PIK3C2G: variants seen among roughly 807,000 people sequenced by gnomAD.
The protein encoded by PIK3C2G is phosphatidylinositol 3-kinase C2 domain-containing subunit gamma.
A neutral mutation model predicts 181.1 loss-of-function variants in PIK3C2G; 168 were observed. The observed-to-expected ratio is 0.93, with a 90% CI of 0.82 to 1.05. The LOEUF is 1.05. PIK3C2G is among the 50% of genes least tolerant of loss of function. The pLI, the probability that PIK3C2G is intolerant of heterozygous loss-of-function variation, is 0.00. For missense variants in PIK3C2G, 1,869 were observed against 1,732.8 expected (o/e 1.08, Z -1.40); for synonymous variants, 573 against 592.2 (o/e 0.97, Z 0.47).
chr12:18,676,071 C>G, the PIK3C2G span, among the ~76,000 whole-genome samples: 192 of 152,134 alleles, frequency 1.3e-3, 1 homozygote, highest in African/African-American at 4.4e-3. Flanking sequence ...GTCAATAGAC[C>G]TGTGTCTTTC....
At chr12:18,275,361 C>T (rs1359964153) in intron 1 of PIK3C2G, among the ~76,000 whole-genome samples, 1 of 151,892 alleles carries the variant, frequency 6.6e-6, no homozygotes, top group African/African-American at 2.4e-5. Flanking sequence ...TTTTATATTC[C>T]ACATCTTTTT....
At chr12:18,479,040 T>C (rs138423200) in intron 18 of PIK3C2G, among the ~76,000 whole-genome samples, 1 of 148,770 alleles carries the variant, frequency 6.7e-6, no homozygotes, top group Admixed American at 6.7e-5. Context: ...CATATATACA[T>C]TATACATATA....
intron 18 of PIK3C2G, among the ~76,000 whole-genome samples, chr12:18,447,804 A>G (rs1947111586): frequency 6.6e-6 from 1 of 152,232 alleles, no homozygotes; most frequent in Non-Finnish European, 1.5e-5. Context: ...TTCCACTAGT[A>G]TGAAAGAACA....
intron 30 of PIK3C2G, 67 bp downstream of exon 30, chr12:18,594,636 A>G (rs972339452): frequency 2.4e-6 from 2 of 826,120 alleles, no homozygotes; most frequent in African/African-American, 3.6e-5. Flanking sequence ...AGATATCACA[A>G]CTAATTTTTT....
At position 18,648,043 on chromosome 12, in the gene PIK3C2G, A is replaced by G. The variant is rs1190647660; in HGVS notation, c.*15A>G. 2.6e-6 allele frequency: 4 copies of G among 1,521,040 alleles called. No homozygotes were observed. Among genetic ancestry groups the G allele is most frequent in the East Asian group, 2.4e-5 (1 of 42,346 alleles). The allele number at this position is 1,521,040 out of a possible 1,614,324, so 94.2% of individuals were successfully genotyped here. A position where few individuals can be genotyped will look rare whatever the true frequency, so the allele number is the denominator to read the frequency against. ...GTATAATTTGACCATTGCTATGAAC[A>G]TATGCATTATTCATTAACTACTTGT... On this transcript the variant is annotated 3_prime_UTR_variant, in exon 33 of 33. Transcript: ENST00000538779.
At chr12:18,255,224 T>TAAATA (rs1948133241) in intron 1 of PIK3C2G, among the ~76,000 whole-genome samples, 1 of 108,854 alleles carries the variant, frequency 9.2e-6, no homozygotes, top group Non-Finnish European at 2.1e-5. Flanking sequence ...CAAAAATAAA[T>TAAATA]AAATAAATAA....
downstream of PIK3C2G, among the ~76,000 whole-genome samples, chr12:18,649,052 A>T (rs1950307706): frequency 6.6e-6 from 1 of 152,106 alleles, no homozygotes; most frequent in South Asian, 2.1e-4. Flanking sequence ...ATATGGGCTC[A>T]TTTGAAATAC....
chr12:18,268,947 C>T (rs1204171009), intron 1 of PIK3C2G, among the ~76,000 whole-genome samples: 2 of 151,912 alleles, frequency 1.3e-5, no homozygotes, highest in Non-Finnish European at 2.9e-5. Context: ...ACGAGTCTCA[C>T]TCTGTCACTC....
chr12:18,568,514 G>T (rs1945759847), intron 29 of PIK3C2G, among the ~76,000 whole-genome samples: 1 of 152,152 alleles, frequency 6.6e-6, no homozygotes, highest in East Asian at 1.9e-4. Flanking sequence ...GGGTGGGCTG[G>T]CAGGCCGGAG....
chr12:18,633,869 C>T (rs373345732), intron 31 of PIK3C2G, among the ~76,000 whole-genome samples: 72 of 152,276 alleles, frequency 4.7e-4, no homozygotes, highest in Middle Eastern at 6.8e-3. Context: ...ACTAAGATCT[C>T]TAGGCTGGTA....
In PIK3C2G at chr12:18,306,137, G is replaced by A. The variant is rs537963003; in HGVS notation, c.1035-7825G>A. On this transcript the variant is annotated intron_variant, in intron 5 of 32. Coordinates refer to ENST00000538779, the MANE Select transcript of PIK3C2G (RefSeq NM_001288772.2). ...AATGCATATGTACTATATGTACGAAGAAAAATAACCATATTTGAGTGAGGA... is the reference window on the plus strand; with the variant it reads ...AATGCATATGTACTATATGTACGAAAAAAAATAACCATATTTGAGTGAGGA... Among the ~76,000 whole-genome samples the A allele has an allele frequency of 3.9e-5, 6 of 152,028 alleles. No homozygotes were observed. The South Asian group carries it at 1.2e-3, about 32-fold the overall frequency.
At chr12:18,299,888 C>T (rs1950105377) in intron 5 of PIK3C2G, among the ~76,000 whole-genome samples, 1 of 151,860 alleles carries the variant, frequency 6.6e-6, no homozygotes, top group African/African-American at 2.4e-5. Flanking sequence ...CTTACTTGAT[C>T]ATGGTGTATT....
chr12:18,683,192 G>T, the PIK3C2G span: 1 of 1,519,458 alleles, frequency 6.6e-7, no homozygotes, highest in Non-Finnish European at 9.1e-7. Context: ...CATTTTGGCT[G>T]TTTTATTGCG....
chr12:18,678,348 A>G, the PIK3C2G span, among the ~76,000 whole-genome samples: 2 of 152,020 alleles, frequency 1.3e-5, no homozygotes, highest in Non-Finnish European at 2.9e-5. Flanking sequence ...AATTTTTTCA[A>G]CTTTTTTGAG....
At chr12:18,412,287 A>T (rs2135637993) in intron 16 of PIK3C2G, among the ~76,000 whole-genome samples, 1 of 152,318 alleles carries the variant, frequency 6.6e-6, no homozygotes. Flanking sequence ...TGTGCTGTGT[A>T]CATCAGAGGT....
chr12:18,425,573 G>A (rs7308426), intron 18 of PIK3C2G, among the ~76,000 whole-genome samples: 35,764 of 151,264 alleles, frequency 0.24, 4,478 homozygotes, highest in Admixed American at 0.35. Context: ...TGTATTTTTG[G>A]TAGAGACAGG....
chr12:18,367,161 A>G (rs982276836), intron 12 of PIK3C2G, among the ~76,000 whole-genome samples: 1 of 152,232 alleles, frequency 6.6e-6, no homozygotes, highest in Non-Finnish European at 1.5e-5. Context: ...GCACAGAAAT[A>G]TGAAAGCTGA....
chr12:18,421,455 C>G (rs953698221), intron 17 of PIK3C2G, among the ~76,000 whole-genome samples: 14 of 152,030 alleles, frequency 9.2e-5, no homozygotes, highest in African/African-American at 3.4e-4. Context: ...ACAGTAATTT[C>G]TAATAGCCAA....
At chr12:18,431,166 C>T (rs1306851836) in intron 18 of PIK3C2G, among the ~76,000 whole-genome samples, 1 of 152,168 alleles carries the variant, frequency 6.6e-6, no homozygotes, top group Non-Finnish European at 1.5e-5. Flanking sequence ...AAGTATTGCT[C>T]TCTTCCAGCA....
Sources: gnomAD v4.1 joint callset for allele counts (sites outside exome capture counted in the v4.1 genomes callset) on GRCh38, gnomAD v4.1.1 for gene constraint, MANE v1.5 for transcripts, NCBI Gene and HGNC (gene_info 2026-07-23, HGNC 2026-07-21) for gene names.